The following PPARGC1A variants were observed in gnomAD, a reference collection of about 807,000 sequenced individuals.
PPARGC1A encodes the protein peroxisome proliferator-activated receptor gamma coactivator 1-alpha.
In PPARGC1A, 25 loss-of-function variants were observed where a neutral mutation model predicts 88.7. The observed-to-expected ratio is 0.28, with a 90% CI of 0.21 to 0.39. The LOEUF (loss-of-function observed/expected upper bound fraction) is 0.39, where lower values mean the gene tolerates loss of function less well. Among genes scored for constraint, PPARGC1A ranks in the 10% least tolerant of loss-of-function variants. The pLI, the probability that PPARGC1A is intolerant of heterozygous loss-of-function variation, is 1.00. For synonymous variants in PPARGC1A, 363 were observed against 355.6 expected, an observed-to-expected ratio of 1.02 and a Z score of -0.24; for missense variants, 880 against 968.7, an observed-to-expected ratio of 0.91 and a Z score of 1.22.
the PPARGC1A span, among the ~76,000 whole-genome samples, chr4:24,117,046 T>TA: frequency 0.027 from 3,976 of 146,028 alleles, 138 homozygotes; most frequent in African/African-American, 0.078. Context: ...GTGAAGTTGG[T>TA]AAAAAAAAAA....
chr4:24,359,317 A>C, the PPARGC1A span, among the ~76,000 whole-genome samples: 2 of 152,128 alleles, frequency 1.3e-5, no homozygotes, highest in Admixed American at 1.3e-4. Flanking sequence ...GAACATACAC[A>C]CTTCTCTAGA....
chr4:24,405,172 A>G, the PPARGC1A span, among the ~76,000 whole-genome samples: 2 of 152,378 alleles, frequency 1.3e-5, no homozygotes, highest in East Asian at 1.9e-4. Flanking sequence ...AATAGAAATT[A>G]AAAGTTTGTT....
the PPARGC1A span, among the ~76,000 whole-genome samples, chr4:24,068,874 C>A: frequency 6.6e-6 from 1 of 152,128 alleles, no homozygotes; most frequent in Admixed American, 6.5e-5. Flanking sequence ...ATCATGGCAC[C>A]TCCTTCTGCA....
the PPARGC1A span, among the ~76,000 whole-genome samples, chr4:24,171,853 G>A: frequency 6.6e-6 from 1 of 152,202 alleles, no homozygotes. Flanking sequence ...TATTGAAAGT[G>A]ACAATCATGT....
chr4:24,384,465 ATGTGC>A, the PPARGC1A span, among the ~76,000 whole-genome samples: 1 of 150,322 alleles, frequency 6.7e-6, no homozygotes, highest in Admixed American at 6.7e-5. Flanking sequence ...AGACCTATCA[ATGTGC>A]TGTATTCAGG....
chr4:24,265,117 G>A, the PPARGC1A span, among the ~76,000 whole-genome samples: 1 of 152,156 alleles, frequency 6.6e-6, no homozygotes, highest in African/African-American at 2.4e-5. Context: ...CTATGGAAAA[G>A]ACTTTGGGAA....
the PPARGC1A span, among the ~76,000 whole-genome samples, chr4:24,410,073 G>C: frequency 1.3e-5 from 2 of 152,168 alleles, no homozygotes; most frequent in Non-Finnish European, 1.5e-5. Context: ...TATGTAGTGA[G>C]TTTGGAAAAA....
At chr4:24,238,246 C>T in the PPARGC1A span, among the ~76,000 whole-genome samples, 73 of 152,232 alleles carry the variant, frequency 4.8e-4, no homozygotes, top group Middle Eastern at 6.8e-3. Context: ...CATGAACTGC[C>T]TTTATACTTA....
At chr4:24,445,516 C>A in the PPARGC1A span, among the ~76,000 whole-genome samples, 1 of 152,164 alleles carries the variant, frequency 6.6e-6, no homozygotes, top group Admixed American at 6.5e-5. Context: ...AAAATAATAA[C>A]AATTTTCATG....
the PPARGC1A span, among the ~76,000 whole-genome samples, chr4:24,162,156 T>A: frequency 6.6e-6 from 1 of 151,858 alleles, no homozygotes; most frequent in Non-Finnish European, 1.5e-5. Context: ...TAAATGGGAG[T>A]TAAGCTATGA....
chr4:24,262,033 A>G, the PPARGC1A span, among the ~76,000 whole-genome samples: 1 of 152,294 alleles, frequency 6.6e-6, no homozygotes, highest in Non-Finnish European at 1.5e-5. Flanking sequence ...TCTCTGGGGC[A>G]AGCAGTTTAA....
the PPARGC1A span, among the ~76,000 whole-genome samples, chr4:24,327,867 C>T: frequency 6.6e-6 from 1 of 152,204 alleles, no homozygotes. Flanking sequence ...TCCCCTGTGA[C>T]TTGCACGTGT....
At chr4:23,961,819 A>C in the PPARGC1A span, among the ~76,000 whole-genome samples, 2 of 152,176 alleles carry the variant, frequency 1.3e-5, no homozygotes, top group African/African-American at 4.8e-5. Flanking sequence ...GATGCTCATC[A>C]CAGATAATTC....
the PPARGC1A span, among the ~76,000 whole-genome samples, chr4:24,347,733 G>A: frequency 2.0e-5 from 3 of 152,116 alleles, no homozygotes; most frequent in Admixed American, 6.6e-5. Context: ...CTTTTAAGTG[G>A]AGCATTTAGG....
the PPARGC1A span, among the ~76,000 whole-genome samples, chr4:24,387,837 A>AG: frequency 1.0e-3 from 80 of 77,416 alleles, 2 homozygotes; most frequent in South Asian, 6.3e-3. Context: ...AGAAAGAGAG[A>AG]AAGAGAGAGA....
At chr4:24,249,164 C>T in the PPARGC1A span, among the ~76,000 whole-genome samples, 1 of 152,114 alleles carries the variant, frequency 6.6e-6, no homozygotes, top group Admixed American at 6.5e-5. Context: ...CAGAAGCCAC[C>T]CTGCCAAGTC....
the PPARGC1A span, among the ~76,000 whole-genome samples, chr4:23,956,866 G>C: frequency 6.6e-6 from 1 of 152,062 alleles, no homozygotes; most frequent in Non-Finnish European, 1.5e-5. Context: ...ACAAAGTCTT[G>C]TTAACTTCCT....
intron 7 of PPARGC1A, among the ~76,000 whole-genome samples, chr4:23,816,651 A>G (rs1722049969): frequency 6.6e-6 from 1 of 152,196 alleles, no homozygotes. Context: ...AATATGTCCA[A>G]TGACATAGCC....
At chr4:24,314,051 T>G in the PPARGC1A span, among the ~76,000 whole-genome samples, 1 of 152,186 alleles carries the variant, frequency 6.6e-6, no homozygotes, top group Non-Finnish European at 1.5e-5. Context: ...AAACTGCATG[T>G]GAAAAGTGTT....
Sources: allele counts gnomAD v4.1 joint callset (sites outside exome capture counted in the v4.1 genomes callset), GRCh38; gene constraint gnomAD v4.1.1; transcripts MANE v1.5; gene names NCBI Gene and HGNC (gene_info 2026-07-23, HGNC 2026-07-21).